Variants in CC2D1A observed in about 807,000 individuals in gnomAD.
CC2D1A encodes the protein coiled-coil and C2 domain-containing protein 1A.
Under a neutral mutation model 123.8 loss-of-function variants are expected in CC2D1A, and 68 were observed. The ratio of observed to expected loss-of-function variants is 0.55; its 90% CI spans 0.45 to 0.67. CC2D1A has a LOEUF of 0.67. Among genes scored for constraint, CC2D1A ranks in the 30% least tolerant of loss-of-function variants. The pLI is 0.00. For synonymous variants in CC2D1A, 477 were observed against 528.0 expected (o/e 0.90, Z 1.32); for missense variants, 1,185 against 1,290.3 (o/e 0.92, Z 1.25).
intron 14 of CC2D1A, among the ~76,000 whole-genome samples, chr19:13,922,712 G>A (rs1306434889): frequency 6.6e-6 from 1 of 152,130 alleles, no homozygotes; most frequent in Admixed American, 6.6e-5. Flanking sequence ...CAGCCCCAAA[G>A]CAGAGCCTAG....
At chr19:13,927,699 G>A in intron 22 of CC2D1A, 194 bp from the exon 23 acceptor site, 1 of 625,674 alleles carries the variant, frequency 1.6e-6, no homozygotes, top group Non-Finnish European at 2.8e-6. Context: ...AATGGCGTAA[G>A]TAAACCCAGG....
intron 2 of CC2D1A, among the ~76,000 whole-genome samples, chr19:13,910,850 G>C (rs755757288): frequency 1.2e-4 from 18 of 152,256 alleles, no homozygotes; most frequent in Middle Eastern, 3.4e-3. Context: ...GGCAGCAGTT[G>C]CAGTGGGCAG....
chr19:13,907,101 T>G (rs1970784370), intron 1 of CC2D1A, among the ~76,000 whole-genome samples: 1 of 152,194 alleles, frequency 6.6e-6, no homozygotes, highest in Non-Finnish European at 1.5e-5. Flanking sequence ...GACACTTGAC[T>G]TTACAGCTCT....
intron 2 of CC2D1A, among the ~76,000 whole-genome samples, chr19:13,910,818 T>A (rs1163765412): frequency 6.7e-6 from 1 of 149,782 alleles, no homozygotes; most frequent in East Asian, 2.0e-4. Context: ...GGCTGAGGCA[T>A]GAGAATCGCT....
Position 13,909,301 on chromosome 19 carries a change from C to T in CC2D1A, c.61-522C>T, listed in dbSNP as rs925735791. On this transcript the variant is annotated intron_variant, in intron 1 of 28. Transcript: ENST00000318003. Reference sequence around the variant, plus strand: ...TGAGGCAGGAGAATGGCATGAACCCCGGAGGCGGAGGTTGCAGTGAGCTGA... The same window carrying T: ...TGAGGCAGGAGAATGGCATGAACCCTGGAGGCGGAGGTTGCAGTGAGCTGA... 1.3e-4 allele frequency among the ~76,000 whole-genome samples: 20 copies of T among 151,776 alleles called. No individual in the cohort carries two copies. In the East Asian group the frequency reaches 1.9e-3, roughly 15 times the overall value.
At chr19:13,908,383 T>G (rs1158603648) in intron 1 of CC2D1A, among the ~76,000 whole-genome samples, 2 of 151,886 alleles carry the variant, frequency 1.3e-5, no homozygotes, top group African/African-American at 4.8e-5. Flanking sequence ...TGACCTCAGG[T>G]GATCCCCCCA....
chr19:13,906,399 G>A lies in CC2D1A; in HGVS notation c.-43G>A, dbSNP rs780270221. 1 of 1,484,344 alleles carries A rather than the reference G, an allele frequency of 6.7e-7. No individual in the cohort carries two copies. The highest frequency in any genetic ancestry group is 1.3e-5 in the South Asian group (1 of 79,328). 91.9% of individuals were successfully genotyped at this position (1,484,344 alleles called of 1,614,324 possible). A position where few individuals can be genotyped will look rare whatever the true frequency, so the allele number is the denominator to read the frequency against. On this transcript the variant is annotated 5_prime_UTR_variant, in exon 1 of 29. Coordinates refer to ENST00000318003, the MANE Select transcript of CC2D1A (RefSeq NM_017721.5). The surrounding 1 kb of genome is among the most constrained non-coding windows in gnomAD (Gnocchi z 4.1). ...GAGCCCGGGGAAGGAGGCAGGGCAAGGCCGGGCTTGGGGGCAGGTGGTCCG... is the reference window on the plus strand; with the variant it reads ...GAGCCCGGGGAAGGAGGCAGGGCAAAGCCGGGCTTGGGGGCAGGTGGTCCG...
rs1971839012 is a variant in CC2D1A at position 13,930,021 on chromosome 19, G to A, written c.2711-57G>A. ...CTTGGGGATGGGCACAGTCCAGGAG[G>A]GTTGTGGGCAGTGAGGCCCCACCCT... On this transcript the variant is annotated intron_variant, in intron 26 of 28. Coordinates refer to ENST00000318003, the MANE Select transcript of CC2D1A (RefSeq NM_017721.5). This position sits in a 1 kb window ranked among gnomAD's most constrained non-coding sequence, Gnocchi z 6.8. The A allele has an allele frequency of 1.3e-6, 2 of 1,552,680 alleles. No individual in the cohort carries two copies. Among genetic ancestry groups the A allele is most frequent in the Admixed American group, 1.8e-5 (1 of 54,658 alleles).
intron 17 of CC2D1A, among the ~76,000 whole-genome samples, chr19:13,925,354 G>A (rs943943681): frequency 6.6e-6 from 1 of 152,114 alleles, no homozygotes; most frequent in Non-Finnish European, 1.5e-5. Context: ...GCTGAGGTGG[G>A]TGGATCACGA....
chr19:13,918,364 G>T (rs747792973), intron 7 of CC2D1A, 140 bp from the exon 8 acceptor site: 14 of 1,106,408 alleles, frequency 1.3e-5, no homozygotes, highest in Non-Finnish European at 1.8e-5. Flanking sequence ...CACGTGTGTT[G>T]GAAGAGGATT....
At chr19:13,925,436 C>T (rs1156542975) in intron 17 of CC2D1A, among the ~76,000 whole-genome samples, 1 of 151,936 alleles carries the variant, frequency 6.6e-6, no homozygotes, top group Non-Finnish European at 1.5e-5. Context: ...CAAAATTATC[C>T]GGGCGTGGTG....
chr19:13,919,891 C>T lies in CC2D1A; in HGVS notation c.1296C>T (p.Ala432=), dbSNP rs1971350619. The T allele has an allele frequency of 1.9e-6, 3 of 1,613,268 alleles. No individual in the cohort carries two copies. Among genetic ancestry groups the T allele is most frequent in the Non-Finnish European group, 2.5e-6 (3 of 1,179,866 alleles). Reference sequence around the variant, plus strand: ...GTCTGGTGGGTGTCCTGGAGACTGCCATGAAGCTGGCCAACCAGGATGAAG... The same window carrying T: ...GTCTGGTGGGTGTCCTGGAGACTGCTATGAAGCTGGCCAACCAGGATGAAG... ...QQSLVGVLET[A]MKLANQDEGP... is the part of the protein sequence containing the mutation. The change falls in exon 12 of 29, where the codon GCC becomes GCT. Residue 432 remains alanine (A), a synonymous_variant. Coordinates refer to ENST00000318003, the MANE Select transcript of CC2D1A (RefSeq NM_017721.5).
Position 13,912,585 on chromosome 19 carries a change from G to T in CC2D1A, c.370G>T (p.Val124Leu). ...EQKASETPPP[V>L]AQPKPEAPHP... ...GAAGGCTTCAGAGACCCCACCTCCT[G>T]TGGCCCAGGTACAGTTTGGATGACT... Residue 124 changes from valine to leucine, a missense_variant, in exon 4 of 29, where the codon GTG (valine) becomes TTG (leucine). Val to Leu is a conservative substitution (Grantham distance 32, BLOSUM62 1). Transcript: ENST00000318003. 2 of 1,614,000 alleles carry T rather than the reference G, an allele frequency of 1.2e-6. No individual in the cohort carries two copies. Among genetic ancestry groups the T allele is most frequent in the East Asian group, 2.2e-5 (1 of 44,884 alleles).
chr19:13,929,082 C>A lies in CC2D1A; in HGVS notation c.2520-297C>A, dbSNP rs150727802. Among the ~76,000 whole-genome samples, 653 of 151,234 alleles carry A rather than the reference C, an allele frequency of 4.3e-3. 5 individuals are homozygous for A. Among genetic ancestry groups the A allele is most frequent in the African/African-American group, 0.014 (567 of 41,144 alleles). On this transcript the variant is annotated intron_variant, in intron 24 of 28. Transcript: ENST00000318003. Reference sequence around the variant, plus strand: ...GCAGTGGTGTGATCTCGGCTCATTGCAACCTCCAGCTCCCAGGTTCAAGCA... The same window carrying A: ...GCAGTGGTGTGATCTCGGCTCATTGAAACCTCCAGCTCCCAGGTTCAAGCA...
intron 4 of CC2D1A, among the ~76,000 whole-genome samples, 167 bp from the exon 5 acceptor site, chr19:13,913,001 T>C (rs72997433): frequency 3.2e-4 from 49 of 152,312 alleles, no homozygotes; most frequent in Non-Finnish European, 5.9e-4. Flanking sequence ...ATGATGCTTC[T>C]GAAACCCCAT....
Position 13,906,574 on chromosome 19 carries a change from C to A in CC2D1A, c.60+73C>A, listed in dbSNP as rs537359962. 3 of 1,008,208 alleles carry A rather than the reference C, an allele frequency of 3.0e-6. No individual in the cohort carries two copies. The highest frequency in any genetic ancestry group is 4.1e-6 in the Non-Finnish European group (3 of 730,888). 62.5% of individuals were successfully genotyped at this position (1,008,208 alleles called of 1,614,324 possible). On this transcript the variant is annotated intron_variant, in intron 1 of 28. Transcript: ENST00000318003. The surrounding 1 kb of genome is among the most constrained non-coding windows in gnomAD (Gnocchi z 4.1). The stretch of plus-strand genomic sequence containing the variant: ...GTCACTCGCTCAGGGAAGGGCCCCA[C>A]CCCCCAGGGAAGCCCGATCTCCGCC...
Position 13,906,325 on chromosome 19 carries a change from G to T in CC2D1A, c.-117G>T. On this transcript the variant is annotated 5_prime_UTR_variant, in exon 1 of 29. Transcript: ENST00000318003. The surrounding 1 kb of genome is among the most constrained non-coding windows in gnomAD (Gnocchi z 4.1). Reference sequence around the variant, plus strand: ...GAGGGCTCGGGATCGACGGCCGCGGGGCGCCGACGAGGAGTGCAGGACTCA... The same window carrying T: ...GAGGGCTCGGGATCGACGGCCGCGGTGCGCCGACGAGGAGTGCAGGACTCA... 1.3e-6 allele frequency: 1 copy of T among 747,422 alleles called. No homozygotes were observed. The highest frequency in any genetic ancestry group is 1.9e-6 in the Non-Finnish European group (1 of 517,460). 46.3% of individuals were successfully genotyped at this position (747,422 alleles called of 1,614,324 possible). A position where few individuals can be genotyped will look rare whatever the true frequency, so the allele number is the denominator to read the frequency against.
chr19:13,906,382 G>T lies in CC2D1A; in HGVS notation c.-60G>T. The stretch of plus-strand genomic sequence containing the variant: ...GCGAGTGCGCGGCGACAGAGCCCGG[G>T]GAAGGAGGCAGGGCAAGGCCGGGCT... On this transcript the variant is annotated 5_prime_UTR_variant, in exon 1 of 29. Coordinates refer to ENST00000318003, the MANE Select transcript of CC2D1A (RefSeq NM_017721.5). This position sits in a 1 kb window ranked among gnomAD's most constrained non-coding sequence, Gnocchi z 4.1. 7.3e-7 allele frequency: 1 copy of T among 1,374,236 alleles called. No individual in the cohort carries two copies. Among genetic ancestry groups the T allele is most frequent in the Non-Finnish European group, 9.7e-7 (1 of 1,026,158 alleles). 85.1% of individuals were successfully genotyped at this position (1,374,236 alleles called of 1,614,324 possible).
intron 6 of CC2D1A, among the ~76,000 whole-genome samples, chr19:13,916,308 T>G (rs7256924): frequency 0.018 from 2,672 of 152,076 alleles, 28 homozygotes; most frequent in Middle Eastern, 0.037. Context: ...CTCACACCTA[T>G]AATTCCAGCA....
Sources: gnomAD v4.1 joint callset for allele counts (sites outside exome capture counted in the v4.1 genomes callset) on GRCh38, gnomAD v4.1.1 for gene constraint, Gnocchi (gnomAD v3.1) non-coding constraint, MANE v1.5 for transcripts, NCBI Gene and HGNC (gene_info 2026-07-23, HGNC 2026-07-21) for gene names.